The following BACH2 variants were observed in gnomAD, a reference collection of about 807,000 sequenced individuals.
BACH2 encodes the protein BACH transcriptional regulator 2, also known as transcription regulator protein BACH2.
BACH2 carries 5 observed loss-of-function variants against 61.8 expected under a neutral mutation model. That is an observed-to-expected ratio of 0.08 (90% CI 0.04 to 0.17). The LOEUF (loss-of-function observed/expected upper bound fraction) is 0.17. Ranked by LOEUF, BACH2 falls within the 10% of genes least tolerant of loss-of-function variation. BACH2 has a pLI of 1.00. For missense variants in BACH2, 824 were observed against 1,091.1 expected (o/e 0.76, Z 3.45); for synonymous variants, 446 against 440.1 (o/e 1.01, Z -0.17).
chr6:90,287,348 G>A (rs1395549790), intron 1 of BACH2, among the ~76,000 whole-genome samples: 1 of 152,102 alleles, frequency 6.6e-6, no homozygotes, highest in South Asian at 2.1e-4. Context: ...ATGCAACTGG[G>A]GTGGGGAGGT....
intron 6 of BACH2, among the ~76,000 whole-genome samples, chr6:89,977,909 T>C (rs1775742445): frequency 6.6e-6 from 1 of 152,238 alleles, no homozygotes; most frequent in Non-Finnish European, 1.5e-5. Context: ...GGAAAAGTGC[T>C]GAGCGTACGC....
chr6:90,296,137 C>T (rs180959531), intron 1 of BACH2, among the ~76,000 whole-genome samples: 3 of 152,086 alleles, frequency 2.0e-5, no homozygotes, highest in Non-Finnish European at 4.4e-5. Context: ...CCTCCCCATG[C>T]CTGACTTATT....
At chr6:89,990,943 A>G (rs545715214) in intron 6 of BACH2, among the ~76,000 whole-genome samples, 8 of 152,374 alleles carry the variant, frequency 5.3e-5, no homozygotes, top group African/African-American at 1.9e-4. Flanking sequence ...TCTTCTGGTC[A>G]TTCAGGTCTC....
chr6:90,095,870 T>C (rs1478390666), intron 4 of BACH2, among the ~76,000 whole-genome samples: 2 of 152,184 alleles, frequency 1.3e-5, no homozygotes, highest in Non-Finnish European at 2.9e-5. Flanking sequence ...ACAGGAATTA[T>C]TAGCCTCTCT....
intron 5 of BACH2, among the ~76,000 whole-genome samples, chr6:90,081,086 G>A (rs1488178491): frequency 2.0e-5 from 3 of 152,128 alleles, no homozygotes; most frequent in South Asian, 2.1e-4. Flanking sequence ...TATGTGGTGA[G>A]GAGCATTTTA....
At chr6:90,235,705 C>T (rs1020027269) in intron 3 of BACH2, among the ~76,000 whole-genome samples, 2 of 152,050 alleles carry the variant, frequency 1.3e-5, no homozygotes, top group Non-Finnish European at 2.9e-5. Context: ...GAAAATAATC[C>T]TTCTTCTGGG....
chr6:89,950,469 G>C lies in BACH2; in HGVS notation c.1637C>G (p.Ser546Cys). Residue 546 changes from serine to cysteine, a missense_variant, in exon 7 of 9, where the codon TCC (serine) becomes TGC (cysteine). Physicochemically the swap from Ser to Cys is moderately radical, Grantham distance 112. This residue lies in a region of BACH2 where 160 missense variants were observed against 283.5 expected (regional missense o/e 0.56). Transcript: ENST00000257749. The surrounding 1 kb of genome is among the most constrained non-coding windows in gnomAD (Gnocchi z 5.3). ...SPCSLPLCEF[S>C]SSPCSQGARF... Reference sequence around the variant, plus strand: ...GGCTCCCTGGGAACAGGGCGAGGAGGAGAACTCACAGAGAGGGAGGCTGCA... The same window carrying C: ...GGCTCCCTGGGAACAGGGCGAGGAGCAGAACTCACAGAGAGGGAGGCTGCA... 6.2e-7 allele frequency: 1 copy of C among 1,614,166 alleles called. No individual in the cohort carries two copies. Among genetic ancestry groups the C allele is most frequent in the South Asian group, 1.1e-5 (1 of 91,080 alleles).
intron 4 of BACH2, among the ~76,000 whole-genome samples, chr6:90,114,829 A>G (rs1192990666): frequency 6.6e-6 from 1 of 152,194 alleles, no homozygotes; most frequent in Non-Finnish European, 1.5e-5. Flanking sequence ...TGCAGGATAC[A>G]AAATCAAGGT....
chr6:90,282,465 T>C (rs543919202), intron 1 of BACH2, among the ~76,000 whole-genome samples: 1 of 152,292 alleles, frequency 6.6e-6, no homozygotes, highest in South Asian at 2.1e-4. Context: ...TCCATCTATG[T>C]CCCTGCAAAG....
intron 4 of BACH2, among the ~76,000 whole-genome samples, chr6:90,197,444 C>T (rs1768798014): frequency 6.6e-6 from 1 of 152,082 alleles, no homozygotes; most frequent in African/African-American, 2.4e-5. Flanking sequence ...TTCCAATCAC[C>T]AATTAACTAA....
intron 4 of BACH2, among the ~76,000 whole-genome samples, chr6:90,135,351 C>G (rs184598547): frequency 5.3e-5 from 8 of 152,156 alleles, no homozygotes; most frequent in African/African-American, 1.7e-4. Flanking sequence ...GCTTCTGCAC[C>G]AGTAACCCTC....
chr6:90,061,763 A>C (rs993310822), intron 5 of BACH2, among the ~76,000 whole-genome samples: 1 of 152,154 alleles, frequency 6.6e-6, no homozygotes, highest in African/African-American at 2.4e-5. Flanking sequence ...GGTTCCAGGA[A>C]GAAGGGAGTG....
rs1291376392 is a variant in BACH2 at position 89,932,712 on chromosome 6, G to A, written c.2222C>T (p.Ala741Val). The A allele has an allele frequency of 1.9e-6, 3 of 1,614,046 alleles. No homozygotes were observed. In the Admixed American group the frequency reaches 5.0e-5, roughly 27 times the overall value. The change falls in exon 9 of 9, where the codon GCC (alanine) becomes GTC (valine). Residue 741 changes from alanine (A) to valine (V), a missense_variant. By Grantham distance (64) the Ala-to-Val change is moderately conservative (BLOSUM62 0). Transcript: ENST00000257749. ...PVLRPMDLPTASSINPAPLGA... is the reference protein window; with the variant it reads ...PVLRPMDLPTVSSINPAPLGA... ...CAAGGGCGCAGGGTTAATACTGGAG[G>A]CCGTGGGCAAGTCCATGGGTCTGAG...
intron 6 of BACH2, among the ~76,000 whole-genome samples, chr6:89,970,742 T>C (rs1271869320): frequency 6.6e-6 from 1 of 152,178 alleles, no homozygotes; most frequent in Non-Finnish European, 1.5e-5. Flanking sequence ...GCTGGCTGGC[T>C]TCTTTGTTCA....
intron 3 of BACH2, among the ~76,000 whole-genome samples, chr6:90,225,212 C>G (rs1316600704): frequency 6.6e-6 from 1 of 152,054 alleles, no homozygotes; most frequent in Non-Finnish European, 1.5e-5. Context: ...TGGCAAAACT[C>G]TCTACTAAAA....
rs999203534 is a variant in BACH2 at position 89,970,676 on chromosome 6, A to G, written c.244-18814T>C. ...ACTTAGTCAAGCTGGACTGCAAACA[A>G]TGAAGAAGGAAATTTGTTTCTGGCC... On this transcript the variant is annotated intron_variant, in intron 6 of 8. Transcript: ENST00000257749. Among the ~76,000 whole-genome samples the G allele has an allele frequency of 2.0e-5, 3 of 152,040 alleles. No individual in the cohort carries two copies. The East Asian group carries it at 5.8e-4, about 29-fold the overall frequency.
At chr6:90,101,959 G>A (rs190514071) in intron 4 of BACH2, among the ~76,000 whole-genome samples, 137 of 152,132 alleles carry the variant, frequency 9.0e-4, no homozygotes, top group Middle Eastern at 3.4e-3. Flanking sequence ...TCTTGCTAGG[G>A]TACAGAAATT....
At chr6:90,225,680 A>G (rs1294665441) in intron 3 of BACH2, among the ~76,000 whole-genome samples, 1 of 152,176 alleles carries the variant, frequency 6.6e-6, no homozygotes, top group African/African-American at 2.4e-5. Flanking sequence ...TACCTAGGTG[A>G]TAGGTTGATA....
chr6:90,283,471 G>T (rs1397539053), intron 1 of BACH2, among the ~76,000 whole-genome samples: 2 of 151,744 alleles, frequency 1.3e-5, no homozygotes, highest in African/African-American at 2.4e-5. Flanking sequence ...TGTTTCCTGG[G>T]TTCACACCAT....
Sources: allele counts gnomAD v4.1 joint callset (sites outside exome capture counted in the v4.1 genomes callset), GRCh38; gene constraint gnomAD v4.1.1; regional missense constraint gnomAD v4.1.1; non-coding constraint Gnocchi (gnomAD v3.1); transcripts MANE v1.5; gene names NCBI Gene and HGNC (gene_info 2026-07-23, HGNC 2026-07-21).